Variants in STXBP4 observed in about 807,000 individuals in gnomAD.
The protein encoded by STXBP4 is syntaxin-binding protein 4.
STXBP4 carries 55 observed loss-of-function variants against 76.1 expected under a neutral mutation model. The ratio of observed to expected loss-of-function variants is 0.72; its 90% CI spans 0.58 to 0.91. The LOEUF (loss-of-function observed/expected upper bound fraction) is 0.91, where lower values mean the gene tolerates loss of function less well. Among genes scored for constraint, STXBP4 ranks in the 40% least tolerant of loss-of-function variants. The pLI is 0.00. For synonymous variants in STXBP4, 201 were observed against 220.2 expected, an observed-to-expected ratio of 0.91 and a Z score of 0.77; for missense variants, 618 against 636.9, an observed-to-expected ratio of 0.97 and a Z score of 0.32.
At chr17:55,091,812 G>T (rs1598303563) in intron 16 of STXBP4, among the ~76,000 whole-genome samples, 1 of 152,194 alleles carries the variant, frequency 6.6e-6, no homozygotes, top group African/African-American at 2.4e-5. Context: ...ATGGTTCAAT[G>T]ATCACAAATT....
intron 1 of STXBP4, among the ~76,000 whole-genome samples, chr17:54,985,044 G>A (rs9908675): frequency 0.018 from 2,751 of 152,200 alleles, 64 homozygotes; most frequent in African/African-American, 0.063. Flanking sequence ...AAGAATATAT[G>A]TGCCAAGGTC....
intron 8 of STXBP4, among the ~76,000 whole-genome samples, chr17:55,017,934 T>A (rs963954647): frequency 1.6e-4 from 25 of 152,134 alleles, no homozygotes; most frequent in African/African-American, 5.8e-4. Flanking sequence ...TAGGACAGAA[T>A]AGCAAGCAAA....
Position 55,078,686 on chromosome 17 carries a change from G to A in STXBP4, c.1306G>A (p.Ala436Thr), listed in dbSNP as rs778331163. 14 of 1,553,684 alleles carry A rather than the reference G, an allele frequency of 9.0e-6. No individual in the cohort carries two copies. The East Asian group carries it at 2.7e-4, about 30-fold the overall frequency. Residue 436 changes from alanine to threonine, a missense_variant and splice_region_variant, in exon 15 of 18, where the codon GCT (alanine) becomes ACT (threonine). Coordinates refer to ENST00000376352, the MANE Select transcript of STXBP4 (RefSeq NM_178509.6). ...STEKLLHFVE[A>T]IQEVFSDNST... The stretch of plus-strand genomic sequence containing the variant: ...CCTTCACCATCTTGTTTGTTGCTAG[G>A]CTATTCAAGAAGTATTTTCTGATAA...
chr17:55,096,087 T>C (rs1468933071), intron 16 of STXBP4, among the ~76,000 whole-genome samples: 1 of 152,186 alleles, frequency 6.6e-6, no homozygotes, highest in South Asian at 2.1e-4. Flanking sequence ...TCTCAAGGAT[T>C]AAGTGACCTA....
chr17:55,067,765 G>A lies in STXBP4; in HGVS notation c.1012-5135G>A, dbSNP rs545861524. On this transcript the variant is annotated intron_variant, in intron 12 of 17. Coordinates refer to ENST00000376352, the MANE Select transcript of STXBP4 (RefSeq NM_178509.6). ...TGATTTTCATAGTACCCAAGCATGA[G>A]AGGATAAAGACATAAATCAGTAATA... 3.3e-5 allele frequency among the ~76,000 whole-genome samples: 5 copies of A among 152,204 alleles called. No individual in the cohort carries two copies. In the East Asian group the frequency reaches 9.7e-4, roughly 29 times the overall value.
intron 12 of STXBP4, among the ~76,000 whole-genome samples, chr17:55,048,827 A>G (rs1235310533): frequency 1.3e-5 from 2 of 151,922 alleles, no homozygotes; most frequent in Non-Finnish European, 2.9e-5. Flanking sequence ...AAAGAAATCA[A>G]TCAAAATAAC....
Position 55,162,341 on chromosome 17 carries a change from A to G in STXBP4, c.*2430A>G, listed in dbSNP as rs1186852384. 1 of 152,232 alleles carries G rather than the reference A, an allele frequency of 6.6e-6. No individual in the cohort carries two copies. Among genetic ancestry groups the G allele is most frequent in the Non-Finnish European group, 1.5e-5 (1 of 68,044 alleles). 9.4% of individuals were successfully genotyped at this position (152,232 alleles called of 1,614,324 possible). A position where few individuals can be genotyped will look rare whatever the true frequency, so the allele number is the denominator to read the frequency against. On this transcript the variant is annotated 3_prime_UTR_variant, in exon 18 of 18. Coordinates refer to ENST00000376352, the MANE Select transcript of STXBP4 (RefSeq NM_178509.6). ...ATCAATCAACCGTAGCAATGTGGTC[A>G]TCACGAAGTCTTCATTGACTCACTG... is the stretch of plus-strand genomic sequence containing the variant.
intron 1 of STXBP4, among the ~76,000 whole-genome samples, chr17:54,976,595 GC>G (rs2077477591): frequency 6.6e-6 from 1 of 152,190 alleles, no homozygotes; most frequent in South Asian, 2.1e-4. Flanking sequence ...GCCGTCCATG[GC>G]CTGTTAGGAA....
rs1455646571 is a variant in STXBP4, at chr17:55,160,265, A to G, written c.*354A>G. The G allele has an allele frequency of 6.4e-6, 1 of 155,396 alleles. No individual in the cohort carries two copies. Among genetic ancestry groups the G allele is most frequent in the Non-Finnish European group, 1.4e-5 (1 of 69,960 alleles). 9.6% of individuals were successfully genotyped at this position (155,396 alleles called of 1,614,324 possible). On this transcript the variant is annotated 3_prime_UTR_variant, in exon 18 of 18. Coordinates refer to ENST00000376352, the MANE Select transcript of STXBP4 (RefSeq NM_178509.6). ...AGATACAATGGTTTTTATAATTGAC[A>G]TATTGAAAAAGTATATGAACATAAT...
chr17:55,078,767 T>C, intron 15 of STXBP4, 32 bp downstream of exon 15: 1 of 1,181,834 alleles, frequency 8.5e-7, no homozygotes, highest in Non-Finnish European at 1.3e-6. Context: ...TTGCAGAATA[T>C]GGGTAGTGAT....
chr17:55,012,913 C>T (rs918978623), intron 8 of STXBP4, among the ~76,000 whole-genome samples: 2 of 152,172 alleles, frequency 1.3e-5, no homozygotes, highest in Admixed American at 6.5e-5. Flanking sequence ...TCTTCATTGT[C>T]TGGAAGAAAT....
chr17:55,187,762 T>C, the STXBP4 span, among the ~76,000 whole-genome samples: 2 of 151,984 alleles, frequency 1.3e-5, no homozygotes, highest in Non-Finnish European at 2.9e-5. Context: ...CCCTCTAGAG[T>C]TGTCGATCAG....
intron 17 of STXBP4, among the ~76,000 whole-genome samples, chr17:55,144,897 T>TC (rs1275392969): frequency 3.3e-5 from 5 of 152,230 alleles, no homozygotes; most frequent in Non-Finnish European, 5.9e-5. Flanking sequence ...GATTAATTTC[T>TC]CCATTTATAA....
intron 16 of STXBP4, among the ~76,000 whole-genome samples, chr17:55,087,141 T>C (rs1375751742): frequency 6.6e-6 from 1 of 152,160 alleles, no homozygotes; most frequent in African/African-American, 2.4e-5. Context: ...TTTCTGCTAG[T>C]AGTTTGAGTT....
the STXBP4 span, among the ~76,000 whole-genome samples, chr17:55,202,560 C>T: frequency 2.0e-5 from 3 of 151,920 alleles, no homozygotes; most frequent in Non-Finnish European, 4.4e-5. Flanking sequence ...TTGCTCAGGG[C>T]AACACAGGTA....
chr17:55,135,036 C>T (rs970725146), intron 16 of STXBP4, among the ~76,000 whole-genome samples: 11 of 151,974 alleles, frequency 7.2e-5, no homozygotes, highest in Non-Finnish European at 1.3e-4. Flanking sequence ...GAGAGAACTC[C>T]AACTGTAAAA....
the STXBP4 span, among the ~76,000 whole-genome samples, chr17:55,212,119 C>T: frequency 0.053 from 7,995 of 151,930 alleles, 467 homozygotes; most frequent in East Asian, 0.26. Context: ...CGCGCCCTGC[C>T]GGGGAATGCT....
At chr17:55,197,610 G>T in the STXBP4 span, among the ~76,000 whole-genome samples, 4 of 152,162 alleles carry the variant, frequency 2.6e-5, no homozygotes, top group Non-Finnish European at 5.9e-5. Flanking sequence ...AGGCGTGGTG[G>T]CATGCACCTG....
Position 54,990,840 on chromosome 17 carries a change from G to A in STXBP4, c.63G>A (p.Gln21=). The change falls in exon 4 of 18, where the codon CAG becomes CAA. Residue 21 remains glutamine (Q), a synonymous_variant. Transcript: ENST00000376352. ...PSLLEKDPAF[Q]MITIAKETGL... is the part of the protein sequence containing the mutation. ...TTTATCTTAGGGATCCTGCCTTTCA[G>A]ATGATTACAATTGCCAAGGAAACAG... 2 of 1,603,608 alleles carry A rather than the reference G, an allele frequency of 1.2e-6. No individual in the cohort carries two copies. The highest frequency in any genetic ancestry group is 1.7e-6 in the Non-Finnish European group (2 of 1,176,746).
Sources: gnomAD v4.1 joint callset for allele counts (sites outside exome capture counted in the v4.1 genomes callset) on GRCh38, gnomAD v4.1.1 for gene constraint, MANE v1.5 for transcripts, NCBI Gene and HGNC (gene_info 2026-07-23, HGNC 2026-07-21) for gene names.